Variants in ITGBL1 observed in about 807,000 individuals in gnomAD.
ITGBL1 encodes integrin beta-like protein 1.
In ITGBL1, 51 loss-of-function variants were observed where a neutral mutation model predicts 68.5. The ratio of observed to expected loss-of-function variants is 0.74; its 90% CI spans 0.59 to 0.94. ITGBL1 has a LOEUF of 0.94. Among genes scored for constraint, ITGBL1 ranks in the 40% least tolerant of loss-of-function variants. ITGBL1 has a pLI of 0.00. For synonymous variants in ITGBL1, 209 were observed against 227.3 expected (o/e 0.92, Z 0.72); for missense variants, 649 against 647.4 (o/e 1.00, Z -0.03).
chr13:101,706,941 C>A (rs1192575690), intron 9 of ITGBL1, 39 bp downstream of exon 9: 1 of 1,596,320 alleles, frequency 6.3e-7, no homozygotes, highest in East Asian at 2.2e-5. Flanking sequence ...CATTCCTGTT[C>A]TGACACATGA....
At chr13:101,667,951 C>A (rs1230019665) in intron 7 of ITGBL1, among the ~76,000 whole-genome samples, 1 of 149,606 alleles carries the variant, frequency 6.7e-6, no homozygotes, top group East Asian at 1.9e-4. Context: ...TCATATGAAT[C>A]TTTGATAAAT....
chr13:101,511,811 T>A (rs2049120408), intron 2 of ITGBL1, among the ~76,000 whole-genome samples: 1 of 152,120 alleles, frequency 6.6e-6, no homozygotes, highest in Non-Finnish European at 1.5e-5. Context: ...AATACCCACC[T>A]AAGTTGTGCC....
At chr13:101,544,831 A>C (rs776972978) in intron 2 of ITGBL1, among the ~76,000 whole-genome samples, 1 of 152,200 alleles carries the variant, frequency 6.6e-6, no homozygotes, top group African/African-American at 2.4e-5. Context: ...GCAAGGCTCC[A>C]TGGTCATAGG....
intron 2 of ITGBL1, among the ~76,000 whole-genome samples, chr13:101,550,839 C>T (rs913995285): frequency 1.6e-4 from 24 of 152,214 alleles, no homozygotes; most frequent in African/African-American, 5.8e-4. Context: ...CATGAGCTTT[C>T]TTCCTATTTT....
intron 7 of ITGBL1, among the ~76,000 whole-genome samples, chr13:101,682,593 A>T (rs1030276560): frequency 6.6e-6 from 1 of 152,058 alleles, no homozygotes; most frequent in Non-Finnish European, 1.5e-5. Flanking sequence ...TCATGTTCAC[A>T]ATGATCAATA....
intron 2 of ITGBL1, among the ~76,000 whole-genome samples, chr13:101,502,840 G>A (rs545614101): frequency 6.6e-6 from 1 of 152,128 alleles, no homozygotes; most frequent in Admixed American, 6.6e-5. Flanking sequence ...GAAAGATTTA[G>A]GATGTTTCTT....
intron 7 of ITGBL1, among the ~76,000 whole-genome samples, chr13:101,663,236 C>T (rs1319168928): frequency 6.6e-6 from 1 of 152,124 alleles, no homozygotes; most frequent in Admixed American, 6.6e-5. Flanking sequence ...TAGATGCTAT[C>T]AGAGTCTAAT....
chr13:101,673,638 C>T (rs183712654), intron 7 of ITGBL1, among the ~76,000 whole-genome samples: 19 of 152,320 alleles, frequency 1.2e-4, no homozygotes, highest in Non-Finnish European at 5.9e-5. Context: ...AATATTATTA[C>T]ATAAACTAGA....
At chr13:101,608,836 A>G (rs1186119358) in intron 7 of ITGBL1, among the ~76,000 whole-genome samples, 1 of 152,060 alleles carries the variant, frequency 6.6e-6, no homozygotes, top group Admixed American at 6.6e-5. Context: ...TAAATAAATG[A>G]CCCTGCAAAA....
chr13:101,650,205 C>G (rs560110763), intron 7 of ITGBL1, among the ~76,000 whole-genome samples: 54 of 152,264 alleles, frequency 3.5e-4, no homozygotes, highest in African/African-American at 1.1e-3. Context: ...GCACCGTGGT[C>G]TTATATTTTC....
intron 7 of ITGBL1, among the ~76,000 whole-genome samples, chr13:101,644,455 A>G (rs2032493902): frequency 6.6e-6 from 1 of 152,168 alleles, no homozygotes; most frequent in South Asian, 2.1e-4. Flanking sequence ...GCCTATGGAC[A>G]CTGATGTCGC....
intron 7 of ITGBL1, among the ~76,000 whole-genome samples, chr13:101,691,462 A>G (rs1022128185): frequency 6.6e-6 from 1 of 152,200 alleles, no homozygotes; most frequent in African/African-American, 2.4e-5. Flanking sequence ...TTAACAAGAT[A>G]CAAGTTCAGC....
At chr13:101,545,587 A>T (rs562179673) in intron 2 of ITGBL1, among the ~76,000 whole-genome samples, 1 of 152,214 alleles carries the variant, frequency 6.6e-6, no homozygotes, top group Non-Finnish European at 1.5e-5. Context: ...GGGAAAACAA[A>T]TATTTTAAAA....
chr13:101,638,947 ATTT>A (rs1484495049), intron 7 of ITGBL1, among the ~76,000 whole-genome samples: 1 of 152,202 alleles, frequency 6.6e-6, no homozygotes, highest in African/African-American at 2.4e-5. Flanking sequence ...ACTTAACTGT[ATTT>A]ATTATTAATT....
chr13:101,498,705 C>T (rs777815585), intron 2 of ITGBL1, among the ~76,000 whole-genome samples: 11 of 152,124 alleles, frequency 7.2e-5, no homozygotes, highest in African/African-American at 1.2e-4. Context: ...CAGCTTAAAC[C>T]TCCAGTCCTT....
chr13:101,707,925 A>G (rs1394403236), intron 9 of ITGBL1, among the ~76,000 whole-genome samples: 2 of 151,940 alleles, frequency 1.3e-5, no homozygotes. Context: ...ATAACCTACA[A>G]GTTGGTTGAA....
chr13:101,596,053 G>A (rs2029947295), intron 6 of ITGBL1, among the ~76,000 whole-genome samples: 1 of 11,874 alleles, frequency 8.4e-5, no homozygotes, highest in African/African-American at 1.6e-4. Flanking sequence ...ATGTGTGTGT[G>A]TGTATATATA....
At chr13:101,513,941 A>T (rs1382690765) in intron 2 of ITGBL1, among the ~76,000 whole-genome samples, 1 of 152,092 alleles carries the variant, frequency 6.6e-6, no homozygotes, top group East Asian at 1.9e-4. Flanking sequence ...TGAAGTGCAT[A>T]TTTAAATAAA....
At chr13:101,483,655 AG>A (rs2048658827) in intron 2 of ITGBL1, among the ~76,000 whole-genome samples, 1 of 152,186 alleles carries the variant, frequency 6.6e-6, no homozygotes, top group Non-Finnish European at 1.5e-5. Flanking sequence ...TGTGGAGGAT[AG>A]GCTTGATGTT....
Sources: gnomAD v4.1 joint callset for allele counts (sites outside exome capture counted in the v4.1 genomes callset) on GRCh38, gnomAD v4.1.1 for gene constraint, MANE v1.5 for transcripts, NCBI Gene and HGNC (gene_info 2026-07-23, HGNC 2026-07-21) for gene names.